GRB10: variants seen among roughly 807,000 people sequenced by gnomAD.
GRB10 encodes growth factor receptor bound protein 10, also known as growth factor receptor-bound protein 10.
A neutral mutation model predicts 80.9 loss-of-function variants in GRB10; 20 were observed. The ratio of observed to expected loss-of-function variants is 0.25; its 90% CI spans 0.17 to 0.36. The LOEUF (loss-of-function observed/expected upper bound fraction) is 0.36, where lower values mean the gene tolerates loss of function less well. Ranked by LOEUF, GRB10 falls within the 10% of genes least tolerant of loss-of-function variation. The pLI, the probability that GRB10 is intolerant of heterozygous loss-of-function variation, is 1.00. For missense variants in GRB10, 548 were observed against 747.7 expected, an observed-to-expected ratio of 0.73 and a Z score of 3.12; for synonymous variants, 291 against 291.5, an observed-to-expected ratio of 1.00 and a Z score of 0.02.
At chr7:50,602,931 AAG>A (rs1394358690) in intron 17 of GRB10, among the ~76,000 whole-genome samples, 1 of 152,158 alleles carries the variant, frequency 6.6e-6, no homozygotes, top group African/African-American at 2.4e-5. Context: ...GAAAAGGGAA[AAG>A]AGAGATGAAG....
At chr7:50,677,588 A>G (rs1266722762) in intron 5 of GRB10, among the ~76,000 whole-genome samples, 2 of 152,198 alleles carry the variant, frequency 1.3e-5, no homozygotes, top group South Asian at 4.1e-4. Context: ...GGCTTCAGGA[A>G]AGTTCTAGAA....
chr7:50,633,230 G>C (rs2054336767), intron 7 of GRB10, among the ~76,000 whole-genome samples: 3 of 152,152 alleles, frequency 2.0e-5, no homozygotes, highest in Admixed American at 2.0e-4. Flanking sequence ...TCTGACCACT[G>C]GTCCAGCACA....
At chr7:50,731,359 A>T (rs914064432) in intron 4 of GRB10, among the ~76,000 whole-genome samples, 4 of 152,120 alleles carry the variant, frequency 2.6e-5, no homozygotes, top group African/African-American at 9.7e-5. Context: ...ATAATGCTGT[A>T]GGCAATTTCT....
intron 5 of GRB10, among the ~76,000 whole-genome samples, chr7:50,702,631 G>A (rs2064405812): frequency 6.6e-6 from 1 of 152,192 alleles, no homozygotes; most frequent in Non-Finnish European, 1.5e-5. Flanking sequence ...TGTTTCAGGT[G>A]TGGGGATACA....
intron 5 of GRB10, among the ~76,000 whole-genome samples, chr7:50,687,219 T>C (rs1465140003): frequency 1.3e-5 from 2 of 152,192 alleles, no homozygotes; most frequent in Admixed American, 6.5e-5. Context: ...AAATGCCAGA[T>C]TGTCTTATTC....
At chr7:50,760,070 G>A (rs1326775470) in intron 2 of GRB10, among the ~76,000 whole-genome samples, 1 of 152,198 alleles carries the variant, frequency 6.6e-6, no homozygotes, top group East Asian at 1.9e-4. Flanking sequence ...GCACAAAGAT[G>A]GGTTAGCCAG....
chr7:50,619,148 A>G lies in GRB10; in HGVS notation c.777+22T>C, dbSNP rs780694846. Reference sequence around the variant, plus strand: ...AAGATTTCAAGAGTCCCAAACCCCAAACCTGAAGAGGTAAGACTCACCATG... The same window carrying G: ...AAGATTTCAAGAGTCCCAAACCCCAGACCTGAAGAGGTAAGACTCACCATG... On this transcript the variant is annotated intron_variant, in intron 9 of 18. Transcript: ENST00000401949. 5 of 1,407,388 alleles carry G rather than the reference A, an allele frequency of 3.6e-6. No individual in the cohort carries two copies. In the Admixed American group the frequency reaches 6.7e-5, roughly 19 times the overall value. 87.2% of individuals were successfully genotyped at this position (1,407,388 alleles called of 1,614,324 possible). A position where few individuals can be genotyped will look rare whatever the true frequency, so the allele number is the denominator to read the frequency against.
chr7:50,680,799 GT>G (rs973961377), intron 5 of GRB10, among the ~76,000 whole-genome samples: 1 of 151,940 alleles, frequency 6.6e-6, no homozygotes, highest in Admixed American at 6.6e-5. Context: ...TTCTTAGAAT[GT>G]TTTTTTTCTT....
At chr7:50,773,974 C>T (rs2077308227) in intron 2 of GRB10, among the ~76,000 whole-genome samples, 1 of 152,222 alleles carries the variant, frequency 6.6e-6, no homozygotes, top group Admixed American at 6.5e-5. Context: ...TCTCCTGCCT[C>T]AACCTCCCAA....
At chr7:50,777,576 G>A (rs1462593051) in intron 2 of GRB10, among the ~76,000 whole-genome samples, 1 of 151,136 alleles carries the variant, frequency 6.6e-6, no homozygotes, top group Non-Finnish European at 1.5e-5. Context: ...TTTAAGAGAG[G>A]ACTGTATGAA....
intron 8 of GRB10, among the ~76,000 whole-genome samples, chr7:50,620,525 G>A (rs914779369): frequency 2.4e-4 from 37 of 152,172 alleles, no homozygotes; most frequent in African/African-American, 6.8e-4. Context: ...ATTCGTGCTC[G>A]GCCCCGGTTT....
At chr7:50,691,369 A>T (rs1218817607) in intron 5 of GRB10, among the ~76,000 whole-genome samples, 7 of 152,168 alleles carry the variant, frequency 4.6e-5, no homozygotes, top group Non-Finnish European at 2.9e-5. Flanking sequence ...TGCCACTCTC[A>T]AGGGCTGTGA....
At chr7:50,740,317 G>A (rs2071484185) in intron 3 of GRB10, among the ~76,000 whole-genome samples, 1 of 152,134 alleles carries the variant, frequency 6.6e-6, no homozygotes, top group African/African-American at 2.4e-5. Flanking sequence ...TCACTTTTGA[G>A]ACAGTCACAA....
chr7:50,697,946 A>G (rs760062395), intron 5 of GRB10, among the ~76,000 whole-genome samples: 13 of 152,208 alleles, frequency 8.5e-5, no homozygotes, highest in Admixed American at 2.0e-4. Context: ...AACACTCTGC[A>G]CTTGGACCCA....
At chr7:50,753,296 G>A (rs1285314294) in intron 3 of GRB10, among the ~76,000 whole-genome samples, 1 of 152,210 alleles carries the variant, frequency 6.6e-6, no homozygotes, top group Admixed American at 6.5e-5. Flanking sequence ...CAACTGTTAG[G>A]TCAAGCAAAA....
intron 5 of GRB10, among the ~76,000 whole-genome samples, chr7:50,699,442 A>C (rs140929769): frequency 1.3e-5 from 2 of 152,318 alleles, no homozygotes; most frequent in East Asian, 3.9e-4. Context: ...GTTGAGTACA[A>C]ATTTTGTTAT....
At chr7:50,627,649 A>G (rs923357096) in intron 7 of GRB10, among the ~76,000 whole-genome samples, 3 of 152,234 alleles carry the variant, frequency 2.0e-5, no homozygotes, top group African/African-American at 4.8e-5. Context: ...GAGCAGCTCC[A>G]GGCCAAGGGA....
intron 1 of GRB10, among the ~76,000 whole-genome samples, chr7:50,788,695 AG>A (rs753083116): frequency 9.8e-5 from 15 of 152,366 alleles, no homozygotes; most frequent in Non-Finnish European, 1.8e-4. Flanking sequence ...AAACCTTTCA[AG>A]AACTTCAGGG....
At chr7:50,745,965 T>C (rs910088804) in intron 3 of GRB10, among the ~76,000 whole-genome samples, 2 of 152,226 alleles carry the variant, frequency 1.3e-5, no homozygotes, top group Admixed American at 1.3e-4. Context: ...TTGGCAAATC[T>C]TGAACAAGGC....
Sources: gnomAD v4.1 joint callset for allele counts (sites outside exome capture counted in the v4.1 genomes callset) on GRCh38, gnomAD v4.1.1 for gene constraint, MANE v1.5 for transcripts, NCBI Gene and HGNC (gene_info 2026-07-23, HGNC 2026-07-21) for gene names.